The following SND1 variants were observed in gnomAD, a reference collection of about 807,000 sequenced individuals.
SND1 encodes the protein staphylococcal nuclease and tudor domain containing 1, also known as staphylococcal nuclease domain-containing protein 1.
In SND1, 38 loss-of-function variants were observed where a neutral mutation model predicts 121.7. That is an observed-to-expected ratio of 0.31 (90% CI 0.24 to 0.41). The LOEUF is 0.41. Among genes scored for constraint, SND1 ranks in the 10% least tolerant of loss-of-function variants. The pLI, the probability that SND1 is intolerant of heterozygous loss-of-function variation, is 1.00. For missense variants in SND1, 868 were observed against 1,184.6 expected (o/e 0.73, Z 3.92); for synonymous variants, 401 against 447.4 (o/e 0.90, Z 1.31).
intron 1 of SND1, among the ~76,000 whole-genome samples, chr7:127,657,853 T>C (rs1295438073): frequency 6.6e-6 from 1 of 152,240 alleles, no homozygotes; most frequent in East Asian, 1.9e-4. Flanking sequence ...TCACGTTCAG[T>C]ATCCCATGTA....
chr7:128,031,186 C>G (rs1792584251), intron 16 of SND1: 1 of 152,344 alleles, frequency 6.6e-6, no homozygotes, highest in African/African-American at 2.4e-5. Flanking sequence ...GGTGCATGCC[C>G]CCCCCTCCGC....
chr7:127,984,157 CTTTCCTAGAA>C, intron 15 of SND1, among the ~76,000 whole-genome samples: 1 of 152,192 alleles, frequency 6.6e-6, no homozygotes, highest in Admixed American at 6.5e-5. Context: ...GGCCACATAA[CTTTCCTAGAA>C]TTGAACATAG....
chr7:127,886,849 C>CA (rs11413396), intron 12 of SND1, among the ~76,000 whole-genome samples: 73,972 of 118,276 alleles, frequency 0.63, 23,542 homozygotes, highest in Middle Eastern at 0.73. Flanking sequence ...CTTATTCTGG[C>CA]AAAAAAAAAA....
intron 12 of SND1, among the ~76,000 whole-genome samples, chr7:127,876,278 G>C (rs116221940): frequency 6.6e-6 from 1 of 152,136 alleles, no homozygotes; most frequent in Non-Finnish European, 1.5e-5. Context: ...AATCCTTTAA[G>C]AAGATTCAGC....
At chr7:127,841,862 G>A (rs1033359252) in intron 11 of SND1, among the ~76,000 whole-genome samples, 5 of 152,094 alleles carry the variant, frequency 3.3e-5, no homozygotes, top group African/African-American at 9.7e-5. Context: ...TTAAAGCTAG[G>A]TATCTAATTT....
chr7:127,701,562 A>G (rs192905809), intron 5 of SND1, among the ~76,000 whole-genome samples: 6 of 126,892 alleles, frequency 4.7e-5, no homozygotes, highest in Admixed American at 4.6e-4. Flanking sequence ...AGGGTAGTAA[A>G]TTGCTGGTAT....
intron 10 of SND1, among the ~76,000 whole-genome samples, chr7:127,802,477 T>C (rs573760560): frequency 5.9e-5 from 9 of 152,332 alleles, no homozygotes; most frequent in Admixed American, 5.9e-4. Context: ...TTGCCTTAGT[T>C]TGTGGCATTT....
chr7:127,911,166 C>A (rs1800444587), intron 14 of SND1, among the ~76,000 whole-genome samples: 2 of 152,178 alleles, frequency 1.3e-5, no homozygotes, highest in South Asian at 4.1e-4. Flanking sequence ...CTTCTTCTTT[C>A]TTCAAGCAAA....
intron 12 of SND1, among the ~76,000 whole-genome samples, chr7:127,885,777 A>G (rs1799893495): frequency 6.6e-6 from 1 of 152,114 alleles, no homozygotes; most frequent in Admixed American, 6.6e-5. Flanking sequence ...TTCTCCTCCA[A>G]ACCCCATGTA....
chr7:127,830,634 T>C (rs2116622990), intron 11 of SND1, among the ~76,000 whole-genome samples: 1 of 152,302 alleles, frequency 6.6e-6, no homozygotes, highest in Non-Finnish European at 1.5e-5. Flanking sequence ...GAAGTATATA[T>C]GTATCCAATG....
At chr7:127,933,724 C>T (rs977935002) in intron 15 of SND1, among the ~76,000 whole-genome samples, 5 of 152,210 alleles carry the variant, frequency 3.3e-5, no homozygotes, top group African/African-American at 7.2e-5. Flanking sequence ...CTAGAGTTTA[C>T]CTTGCCCCTC....
At chr7:128,091,242 CTTTT>C (rs1463863399) in intron 22 of SND1, among the ~76,000 whole-genome samples, 2 of 152,134 alleles carry the variant, frequency 1.3e-5, no homozygotes, top group Admixed American at 6.5e-5. Flanking sequence ...GGTTTGGTTT[CTTTT>C]GAGACCGGGT....
At chr7:127,689,398 T>G (rs1795873665) in intron 2 of SND1, among the ~76,000 whole-genome samples, 1 of 152,236 alleles carries the variant, frequency 6.6e-6, no homozygotes, top group African/African-American at 2.4e-5. Context: ...TTGACCCTTC[T>G]TGGAGCTGAC....
chr7:127,752,393 G>T (rs1175230036), intron 10 of SND1, among the ~76,000 whole-genome samples: 2 of 152,164 alleles, frequency 1.3e-5, no homozygotes, highest in African/African-American at 4.8e-5. Flanking sequence ...TTGTGTGCCA[G>T]CTATTGGAAA....
chr7:127,753,343 G>A (rs1199904667), intron 10 of SND1, among the ~76,000 whole-genome samples: 1 of 152,136 alleles, frequency 6.6e-6, no homozygotes, highest in Admixed American at 6.5e-5. Flanking sequence ...GTCTTGAAAA[G>A]CAGAGACAGT....
intron 11 of SND1, among the ~76,000 whole-genome samples, chr7:127,819,243 A>G (rs574451050): frequency 6.6e-6 from 1 of 152,228 alleles, no homozygotes. Flanking sequence ...GTCAGGCTAC[A>G]TAAAAATGAA....
At chr7:127,896,118 A>G (rs1344462238) in intron 13 of SND1, among the ~76,000 whole-genome samples, 1 of 151,996 alleles carries the variant, frequency 6.6e-6, no homozygotes, top group Non-Finnish European at 1.5e-5. Context: ...CAGAGAGGAC[A>G]TTGTTCTAGG....
chr7:127,985,138 A>C (rs528909510), intron 15 of SND1, among the ~76,000 whole-genome samples: 1 of 152,178 alleles, frequency 6.6e-6, no homozygotes, highest in South Asian at 2.1e-4. Flanking sequence ...CTGACTTCCC[A>C]TTCCCAGCTT....
chr7:128,025,270 T>C (rs1803449328), intron 16 of SND1, among the ~76,000 whole-genome samples: 2 of 152,216 alleles, frequency 1.3e-5, no homozygotes, highest in Non-Finnish European at 2.9e-5. Flanking sequence ...ATGTTCTTGA[T>C]AGCCAATAGC....
Sources: gnomAD v4.1 joint callset for allele counts (sites outside exome capture counted in the v4.1 genomes callset) on GRCh38, gnomAD v4.1.1 for gene constraint, MANE v1.5 for transcripts, NCBI Gene and HGNC (gene_info 2026-07-23, HGNC 2026-07-21) for gene names.